Variants in DLG2 observed in about 807,000 individuals in gnomAD.
DLG2 encodes discs large MAGUK scaffold protein 2, also known as disks large homolog 2.
Under a neutral mutation model 132.5 loss-of-function variants are expected in DLG2, and 45 were observed. That is an observed-to-expected ratio of 0.34 (90% CI 0.27 to 0.44). The LOEUF is 0.44. Ranked by LOEUF, DLG2 falls within the 20% of genes least tolerant of loss-of-function variation. The pLI, the probability that DLG2 is intolerant of heterozygous loss-of-function variation, is 1.00. For synonymous variants in DLG2, 424 were observed against 419.6 expected, an observed-to-expected ratio of 1.01 and a Z score of -0.13; for missense variants, 1,045 against 1,196.9, an observed-to-expected ratio of 0.87 and a Z score of 1.87.
At chr11:85,088,985 CAAGAA>C (rs2068349638) in intron 6 of DLG2, among the ~76,000 whole-genome samples, 2 of 152,260 alleles carry the variant, frequency 1.3e-5, no homozygotes, top group African/African-American at 4.8e-5. Flanking sequence ...TAGACAATCA[CAAGAA>C]AACCTAAAAA....
chr11:84,893,305 T>C (rs764924809), intron 6 of DLG2, among the ~76,000 whole-genome samples: 2 of 152,178 alleles, frequency 1.3e-5, no homozygotes, highest in African/African-American at 2.4e-5. Flanking sequence ...GTCCTGTTTC[T>C]AGACCCTAGA....
chr11:85,354,654 T>C (rs946203729), intron 3 of DLG2, among the ~76,000 whole-genome samples: 3 of 152,036 alleles, frequency 2.0e-5, no homozygotes, highest in African/African-American at 7.2e-5. Flanking sequence ...GTACTTGGTA[T>C]GCTGACATTT....
chr11:85,352,602 G>A (rs2083379656), intron 3 of DLG2, among the ~76,000 whole-genome samples: 1 of 152,014 alleles, frequency 6.6e-6, no homozygotes, highest in Non-Finnish European at 1.5e-5. Context: ...TCTGGCTACA[G>A]TAACCAAAAC....
At chr11:84,865,771 G>GA (rs1423989489) in intron 6 of DLG2, among the ~76,000 whole-genome samples, 4 of 152,094 alleles carry the variant, frequency 2.6e-5, no homozygotes, top group African/African-American at 4.8e-5. Context: ...AAAATGTTTG[G>GA]AAAAAAATCC....
chr11:83,462,977 G>A (rs1473592223), intron 26 of DLG2, among the ~76,000 whole-genome samples: 1 of 152,114 alleles, frequency 6.6e-6, no homozygotes, highest in African/African-American at 2.4e-5. Context: ...ATGCAATTTG[G>A]TTGGCTGATC....
intron 10 of DLG2, among the ~76,000 whole-genome samples, chr11:84,087,464 T>C (rs1594947384): frequency 1.3e-5 from 2 of 152,338 alleles, no homozygotes; most frequent in African/African-American, 2.4e-5. Flanking sequence ...TGAATAAATA[T>C]ATATTCAAAT....
intron 7 of DLG2, among the ~76,000 whole-genome samples, chr11:84,353,645 G>A (rs1479079370): frequency 6.6e-6 from 1 of 152,072 alleles, no homozygotes; most frequent in African/African-American, 2.4e-5. Flanking sequence ...GGTGATCACT[G>A]CTATTTAAAT....
At chr11:85,107,718 T>C (rs1255844426) in intron 6 of DLG2, among the ~76,000 whole-genome samples, 1 of 151,502 alleles carries the variant, frequency 6.6e-6, no homozygotes, top group Non-Finnish European at 1.5e-5. Flanking sequence ...ATTTAAAATG[T>C]AAGGGTAAGG....
chr11:83,682,323 C>T (rs2078974306), intron 18 of DLG2: 7 of 985,278 alleles, frequency 7.1e-6, no homozygotes, highest in Non-Finnish European at 8.4e-6. Context: ...AATTATAAAA[C>T]AGCCCCTCCT....
At chr11:83,854,560 G>C (rs148839871) in intron 16 of DLG2, among the ~76,000 whole-genome samples, 4 of 152,122 alleles carry the variant, frequency 2.6e-5, no homozygotes, top group African/African-American at 9.6e-5. Flanking sequence ...GAAAAAAATA[G>C]GTAGACACAG....
chr11:84,838,176 T>C (rs1453458183), intron 6 of DLG2, among the ~76,000 whole-genome samples: 1 of 151,928 alleles, frequency 6.6e-6, no homozygotes, highest in Non-Finnish European at 1.5e-5. Flanking sequence ...ATGTACATAT[T>C]AGAATATTTA....
chr11:84,745,584 T>C (rs995501271), intron 6 of DLG2, among the ~76,000 whole-genome samples: 10 of 152,184 alleles, frequency 6.6e-5, no homozygotes, highest in Admixed American at 5.2e-4. Flanking sequence ...GAGAATGGCC[T>C]AATAACAGTT....
At chr11:84,408,336 G>GTT (rs397848690) in intron 7 of DLG2, among the ~76,000 whole-genome samples, 7 of 121,208 alleles carry the variant, frequency 5.8e-5, no homozygotes, top group South Asian at 2.5e-4. Context: ...ACTTGCACAT[G>GTT]TTATATATAT....
chr11:84,776,588 C>A (rs1428289316), intron 6 of DLG2, among the ~76,000 whole-genome samples: 1 of 152,162 alleles, frequency 6.6e-6, no homozygotes, highest in African/African-American at 2.4e-5. Context: ...TATGTCCTGG[C>A]AACCACTGAT....
intron 15 of DLG2, among the ~76,000 whole-genome samples, chr11:83,919,111 G>C (rs2077419218): frequency 6.6e-6 from 1 of 152,166 alleles, no homozygotes; most frequent in Admixed American, 6.6e-5. Flanking sequence ...GGTTGCCTAG[G>C]ACATCTTGTG....
chr11:83,934,115 T>C (rs1345336846), intron 14 of DLG2, among the ~76,000 whole-genome samples: 2 of 152,232 alleles, frequency 1.3e-5, no homozygotes, highest in Admixed American at 6.5e-5. Context: ...GATTCCCATA[T>C]GACATTAGTT....
chr11:85,413,981 C>T (rs1333409414), intron 3 of DLG2, among the ~76,000 whole-genome samples: 1 of 151,960 alleles, frequency 6.6e-6, no homozygotes, highest in Non-Finnish European at 1.5e-5. Context: ...TTGTAGATTG[C>T]TTTTGGCAGT....
intron 19 of DLG2, among the ~76,000 whole-genome samples, chr11:83,552,658 G>A (rs1004861042): frequency 1.3e-5 from 2 of 152,058 alleles, no homozygotes; most frequent in African/African-American, 4.8e-5. Context: ...ATTCTTGAGG[G>A]CTCAGCTTCC....
At chr11:83,613,947 G>A (rs1481186513) in intron 19 of DLG2, among the ~76,000 whole-genome samples, 1 of 152,166 alleles carries the variant, frequency 6.6e-6, no homozygotes, top group Non-Finnish European at 1.5e-5. Context: ...AGCTCTACAG[G>A]TGCTTCTTAC....
Sources: gnomAD v4.1 joint callset for allele counts (sites outside exome capture counted in the v4.1 genomes callset) on GRCh38, gnomAD v4.1.1 for gene constraint, MANE v1.5 for transcripts, NCBI Gene and HGNC (gene_info 2026-07-23, HGNC 2026-07-21) for gene names.